The following ARHGAP22 variants were observed in gnomAD, a reference collection of about 807,000 sequenced individuals.
ARHGAP22 encodes the protein Rho GTPase activating protein 22, also known as rho GTPase-activating protein 22.
ARHGAP22 carries 48 observed loss-of-function variants against 59.1 expected under a neutral mutation model. That is an observed-to-expected ratio of 0.81 (90% confidence interval 0.64 to 1.03). ARHGAP22 has a LOEUF of 1.03. ARHGAP22 is among the 50% of genes least tolerant of loss of function. The probability of loss-of-function intolerance (pLI) is 0.00; values close to 1 mark genes in which losing one functional copy is unlikely to be tolerated. For synonymous variants in ARHGAP22, 445 were observed against 416.4 expected (o/e 1.07, Z -0.84); for missense variants, 1,015 against 958.7 (o/e 1.06, Z -0.78).
At chr10:48,471,584 G>A (rs1474889555) in intron 4 of ARHGAP22, among the ~76,000 whole-genome samples, 2 of 152,152 alleles carry the variant, frequency 1.3e-5, no homozygotes, top group African/African-American at 4.8e-5. Context: ...AACCAGCTCT[G>A]TGCTAAGTCT....
At chr10:48,523,613 C>T (rs1288978364) in intron 3 of ARHGAP22, among the ~76,000 whole-genome samples, 1 of 152,234 alleles carries the variant, frequency 6.6e-6, no homozygotes, top group Admixed American at 6.5e-5. Context: ...GTCCCTCTCC[C>T]GGCAGTTAAG....
chr10:48,431,531 G>A, the ARHGAP22 span, among the ~76,000 whole-genome samples: 2 of 152,098 alleles, frequency 1.3e-5, no homozygotes, highest in Non-Finnish European at 2.9e-5. Flanking sequence ...TGGCATTGTT[G>A]CTGGGTCTTT....
chr10:48,592,702 C>T (rs964092587), intron 1 of ARHGAP22, among the ~76,000 whole-genome samples: 1 of 152,194 alleles, frequency 6.6e-6, no homozygotes, highest in Admixed American at 6.5e-5. Context: ...CTTGACCCTG[C>T]CAATGCTGCA....
At chr10:48,522,201 C>T (rs1210681442) in intron 3 of ARHGAP22, among the ~76,000 whole-genome samples, 1 of 152,258 alleles carries the variant, frequency 6.6e-6, no homozygotes, top group East Asian at 1.9e-4. Context: ...TCTGGCACCA[C>T]AGCGCTCCCC....
Position 48,459,838 on chromosome 10 carries a change from G to A in ARHGAP22, c.505C>T (p.Pro169Ser). Reference sequence around the variant, plus strand: ...TCCACCAGCAGGGGCGCCAGGCGGGGGCCATACTTCCGCTCGTGGTGGACT... The same window carrying A: ...TCCACCAGCAGGGGCGCCAGGCGGGAGCCATACTTCCGCTCGTGGTGGACT... ...ETVHHERKYG[P>S]RLAPLLVEQC... Residue 169 changes from proline to serine, a missense_variant, in exon 5 of 10, where the codon CCC (proline) becomes TCC (serine). By Grantham distance (74) the Pro-to-Ser change is moderately conservative. Coordinates refer to ENST00000249601, the MANE Select transcript of ARHGAP22 (RefSeq NM_021226.4). 1.2e-6 allele frequency: 2 copies of A among 1,613,450 alleles called. No homozygotes were observed. The highest frequency in any genetic ancestry group is 1.7e-4 in the Middle Eastern group (1 of 6,030).
intron 1 of ARHGAP22, among the ~76,000 whole-genome samples, chr10:48,611,345 A>T (rs769569481): frequency 2.0e-5 from 3 of 152,100 alleles, no homozygotes; most frequent in Admixed American, 6.5e-5. Context: ...TCCTTGCTAT[A>T]TGGCAGTCCT....
intron 1 of ARHGAP22, among the ~76,000 whole-genome samples, chr10:48,597,183 G>T (rs1564967265): frequency 1.3e-5 from 2 of 152,204 alleles, no homozygotes; most frequent in East Asian, 1.9e-4. Flanking sequence ...TCTCATGTCT[G>T]CGAATGTGAG....
At chr10:48,455,782 C>T (rs893772404) in intron 5 of ARHGAP22, among the ~76,000 whole-genome samples, 3 of 152,232 alleles carry the variant, frequency 2.0e-5, no homozygotes, top group East Asian at 1.9e-4. Flanking sequence ...GCATCAAAGG[C>T]GCCCACAATG....
chr10:48,491,219 G>T (rs1056795012), intron 3 of ARHGAP22, among the ~76,000 whole-genome samples: 3 of 152,144 alleles, frequency 2.0e-5, no homozygotes, highest in Non-Finnish European at 4.4e-5. Context: ...CGTCATCTCT[G>T]GCTCCCCTCC....
At chr10:48,479,835 T>A in intron 3 of ARHGAP22, 71 bp from the exon 4 acceptor site, 1 of 1,398,552 alleles carries the variant, frequency 7.2e-7, no homozygotes, top group Non-Finnish European at 9.5e-7. Flanking sequence ...CCGGCACTAG[T>A]CAGCATTACT....
chr10:48,520,845 G>A (rs1310488383), intron 3 of ARHGAP22, among the ~76,000 whole-genome samples: 3 of 152,056 alleles, frequency 2.0e-5, no homozygotes, highest in South Asian at 4.2e-4. Flanking sequence ...GAATGAGCAC[G>A]TGTCAGGATC....
intron 4 of ARHGAP22, among the ~76,000 whole-genome samples, chr10:48,472,655 C>T (rs770434673): frequency 3.3e-5 from 5 of 152,228 alleles, no homozygotes; most frequent in Non-Finnish European, 5.9e-5. Context: ...AGCCCATCTG[C>T]CTCTGTGCTG....
chr10:48,563,208 T>TTTTTTC (rs2057809845), intron 2 of ARHGAP22, among the ~76,000 whole-genome samples: 1 of 85,136 alleles, frequency 1.2e-5, no homozygotes, highest in South Asian at 3.1e-4. Flanking sequence ...TTTTTTTTTT[T>TTTTTTC]TTTGAGACGT....
chr10:48,437,325 A>G, the ARHGAP22 span: 1 of 152,118 alleles, frequency 6.6e-6, no homozygotes, highest in Non-Finnish European at 1.5e-5. Flanking sequence ...GGTTCTTTTT[A>G]TTTTGGAATC....
chr10:48,457,134 T>C (rs962048142), intron 5 of ARHGAP22, among the ~76,000 whole-genome samples: 2 of 152,084 alleles, frequency 1.3e-5, no homozygotes, highest in African/African-American at 4.8e-5. Flanking sequence ...TGACCCTCCA[T>C]CTGCAGGTTC....
At chr10:48,480,231 A>G (rs1438229221) in intron 3 of ARHGAP22, among the ~76,000 whole-genome samples, 1 of 152,186 alleles carries the variant, frequency 6.6e-6, no homozygotes, top group Non-Finnish European at 1.5e-5. Context: ...GTATATATTA[A>G]GGTCACAGAG....
intron 3 of ARHGAP22, among the ~76,000 whole-genome samples, chr10:48,488,342 G>C (rs1222056519): frequency 6.6e-6 from 1 of 152,172 alleles, no homozygotes; most frequent in Non-Finnish European, 1.5e-5. Flanking sequence ...TCATTTCTGG[G>C]TTTGTCTCAA....
chr10:48,478,868 G>A (rs1439418350), intron 4 of ARHGAP22, among the ~76,000 whole-genome samples: 2 of 152,144 alleles, frequency 1.3e-5, no homozygotes, highest in Non-Finnish European at 2.9e-5. Context: ...GGCCTGCTGT[G>A]TCTACTGCTG....
At chr10:48,549,422 G>A (rs1564860273) in intron 3 of ARHGAP22, among the ~76,000 whole-genome samples, 1 of 152,166 alleles carries the variant, frequency 6.6e-6, no homozygotes, top group Non-Finnish European at 1.5e-5. Context: ...TCTGAGGCGG[G>A]ACCCTGGTGT....
Sources: allele counts gnomAD v4.1 joint callset (sites outside exome capture counted in the v4.1 genomes callset), GRCh38; gene constraint gnomAD v4.1.1; transcripts MANE v1.5; gene names NCBI Gene and HGNC (gene_info 2026-07-23, HGNC 2026-07-21).